PCDHGB7: variants seen among roughly 807,000 people sequenced by gnomAD.
PCDHGB7 encodes protocadherin gamma subfamily B, 7.
A neutral mutation model predicts 61.4 loss-of-function variants in PCDHGB7; 37 were observed. The ratio of observed to expected loss-of-function variants is 0.60; its 90% CI spans 0.46 to 0.79. PCDHGB7 has a LOEUF of 0.79. PCDHGB7 is among the 30% of genes least tolerant of loss of function. The pLI, the probability that PCDHGB7 is intolerant of heterozygous loss-of-function variation, is 0.00. For synonymous variants in PCDHGB7, 464 were observed against 503.5 expected, an observed-to-expected ratio of 0.92 and a Z score of 1.05; for missense variants, 1,166 against 1,202.5, an observed-to-expected ratio of 0.97 and a Z score of 0.45.
intron 1 of PCDHGB7, among the ~76,000 whole-genome samples, chr5:141,492,080 G>A (rs576661909): frequency 6.6e-6 from 1 of 152,352 alleles, no homozygotes; most frequent in African/African-American, 2.4e-5. Context: ...GCCGGCTCCG[G>A]CACGCTTCGC....
At chr5:141,422,201 G>A in intron 1 of PCDHGB7, 1 of 1,562,386 alleles carries the variant, frequency 6.4e-7, no homozygotes, top group Non-Finnish European at 8.6e-7. Context: ...GGCCAAGATG[G>A]TGGAGGTCTC....
In PCDHGB7 at chr5:141,423,756, G is replaced by A. The variant is rs544048105; in HGVS notation, c.2415+3482G>A. 1.6e-5 allele frequency: 7 copies of A among 448,620 alleles called. 1 individual carries two copies. Among genetic ancestry groups the A allele is most frequent in the Non-Finnish European group, 2.1e-5 (7 of 329,706 alleles). 27.8% of individuals were successfully genotyped at this position (448,620 alleles called of 1,614,324 possible). A position where few individuals can be genotyped will look rare whatever the true frequency, so the allele number is the denominator to read the frequency against. ...GCCTGTTATGAAAACTGTTTGGGGG[G>A]GGGGTGGGGCGGCATATATTTAGTT... On this transcript the variant is annotated intron_variant, in intron 1 of 3. Coordinates refer to ENST00000398594, the MANE Select transcript of PCDHGB7 (RefSeq NM_018927.4).
Position 141,470,128 on chromosome 5 carries a change from CA to C in PCDHGB7, c.2416-24670del, listed in dbSNP as rs200356364. Among the ~76,000 whole-genome samples, 62 of 150,148 alleles carry C rather than the reference CA, an allele frequency of 4.1e-4. 1 individual carries two copies. Among genetic ancestry groups the C allele is most frequent in the Middle Eastern group, 3.4e-3 (1 of 294 alleles). On this transcript the variant is annotated intron_variant, in intron 1 of 3. Coordinates refer to ENST00000398594, the MANE Select transcript of PCDHGB7 (RefSeq NM_018927.4). ...TGAGCAACAGAGCAAGACTTCGTCTCAAAAAAAAAGATCATAGATCATCTTA... is the reference window on the plus strand; with the variant it reads ...TGAGCAACAGAGCAAGACTTCGTCTCAAAAAAAAGATCATAGATCATCTTA...
chr5:141,419,610 C>G lies in PCDHGB7; in HGVS notation c.1751C>G (p.Pro584Arg). Residue 584 changes from proline to arginine, a missense_variant, in exon 1 of 4, where the codon CCA becomes CGA. Coordinates refer to ENST00000398594, the MANE Select transcript of PCDHGB7 (RefSeq NM_018927.4). Reference protein sequence around the residue: ...LFDTVPRAAQPGYLVTKVVAV... With the variant: ...LFDTVPRAAQRGYLVTKVVAV... ...GACACAGTGCCGCGGGCCGCGCAGC[C>G]AGGCTACCTGGTGACCAAGGTGGTG... The G allele has an allele frequency of 1.9e-6, 3 of 1,612,130 alleles. No homozygotes were observed. The highest frequency in any genetic ancestry group is 1.8e-4 in the Middle Eastern group (1 of 5,710).
chr5:141,451,163 G>A (rs2098709493), intron 1 of PCDHGB7, among the ~76,000 whole-genome samples: 1 of 152,086 alleles, frequency 6.6e-6, no homozygotes, highest in African/African-American at 2.4e-5. Flanking sequence ...TTTTTTGGTA[G>A]TATATTATTT....
chr5:141,486,379 G>A lies in PCDHGB7; in HGVS notation c.2416-8428G>A. 2 of 1,614,094 alleles carry A rather than the reference G, an allele frequency of 1.2e-6. No individual in the cohort carries two copies. Among genetic ancestry groups the A allele is most frequent in the Non-Finnish European group, 1.7e-6 (2 of 1,180,000 alleles). ...CATTTGCCCTCAAGTCTGCCTTCAG[G>A]AACCAGTTCTCCCTGGTGACTGCTG... On this transcript the variant is annotated intron_variant, in intron 1 of 3. Transcript: ENST00000398594. The surrounding 1 kb of genome is among the most constrained non-coding windows in gnomAD (Gnocchi z 5.0).
chr5:141,426,513 CG>C, intron 1 of PCDHGB7: 1 of 341,148 alleles, frequency 2.9e-6, no homozygotes, highest in Non-Finnish European at 5.8e-6. Flanking sequence ...AATACTTTAC[CG>C]TGAACACGGA....
chr5:141,476,726 C>T lies in PCDHGB7; in HGVS notation c.2416-18081C>T. On this transcript the variant is annotated intron_variant, in intron 1 of 3. Coordinates refer to ENST00000398594, the MANE Select transcript of PCDHGB7 (RefSeq NM_018927.4). This position sits in a 1 kb window ranked among gnomAD's most constrained non-coding sequence, Gnocchi z 7.6. ...GCTGGTGTTGGAGCGCGCCCTGGAC[C>T]GAGAACGGGAGCCTAGTCTCCAGTT... The T allele has an allele frequency of 6.2e-7, 1 of 1,614,116 alleles. No homozygotes were observed. The highest frequency in any genetic ancestry group is 8.5e-7 in the Non-Finnish European group (1 of 1,180,028).
At chr5:141,461,011 A>G (rs971172615) in intron 1 of PCDHGB7, among the ~76,000 whole-genome samples, 2 of 151,288 alleles carry the variant, frequency 1.3e-5, no homozygotes, top group Non-Finnish European at 2.9e-5. Context: ...ATATATATAT[A>G]CCACATTTTC....
At chr5:141,506,351 A>G (rs1029519620) in intron 3 of PCDHGB7, among the ~76,000 whole-genome samples, 2 of 150,784 alleles carry the variant, frequency 1.3e-5, no homozygotes, top group African/African-American at 4.9e-5. Context: ...TGGGAGGCTG[A>G]GGCAGGAGAA....
chr5:141,458,694 C>T (rs905547768), intron 1 of PCDHGB7, among the ~76,000 whole-genome samples: 3 of 152,018 alleles, frequency 2.0e-5, no homozygotes, highest in Non-Finnish European at 2.9e-5. Flanking sequence ...CTCAGCCTCC[C>T]GAGTAGCTGG....
chr5:141,430,889 A>G, intron 1 of PCDHGB7: 1 of 1,605,270 alleles, frequency 6.2e-7, no homozygotes, highest in African/African-American at 1.3e-5. Flanking sequence ...GAAAGGCTCT[A>G]GGGTGGGCGA....
rs1554175372 is a variant in PCDHGB7, at chr5:141,490,827, G to A, written c.2416-3980G>A. ...CCTTTGACTATGAATTGCTGCAGAT[G>A]CTGCAGATTGTGGTGGGGGTTCGAG... On this transcript the variant is annotated intron_variant, in intron 1 of 3. Transcript: ENST00000398594. This position sits in a 1 kb window ranked among gnomAD's most constrained non-coding sequence, Gnocchi z 5.4. 1 of 1,613,744 alleles carries A rather than the reference G, an allele frequency of 6.2e-7. No individual in the cohort carries two copies. Among genetic ancestry groups the A allele is most frequent in the Non-Finnish European group, 8.5e-7 (1 of 1,179,828 alleles).
chr5:141,422,400 G>A (rs1207332302), intron 1 of PCDHGB7: 3 of 1,598,664 alleles, frequency 1.9e-6, no homozygotes, highest in South Asian at 2.3e-5. Context: ...CTAACCACCT[G>A]CCTTTTAAAT....
chr5:141,489,101 T>G lies in PCDHGB7; in HGVS notation c.2416-5706T>G. 1 of 398,408 alleles carries G rather than the reference T, an allele frequency of 2.5e-6. No homozygotes were observed. Among genetic ancestry groups the G allele is most frequent in the Non-Finnish European group, 4.5e-6 (1 of 223,328 alleles). The allele number at this position is 398,408 out of a possible 1,614,324, so 24.7% of individuals were successfully genotyped here. On this transcript the variant is annotated intron_variant, in intron 1 of 3. Transcript: ENST00000398594. The surrounding 1 kb of genome is among the most constrained non-coding windows in gnomAD (Gnocchi z 4.5). Reference sequence around the variant, plus strand: ...CCGCCACTCGGTGACTAAGAACTGCTGCAAGCAGGCAAACCTCCGAGCAGT... The same window carrying G: ...CCGCCACTCGGTGACTAAGAACTGCGGCAAGCAGGCAAACCTCCGAGCAGT...
chr5:141,455,876 TTTA>T (rs1271603055), intron 1 of PCDHGB7, among the ~76,000 whole-genome samples: 2 of 146,624 alleles, frequency 1.4e-5, no homozygotes, highest in Non-Finnish European at 1.5e-5. Context: ...TATTTATTTA[TTTA>T]TTTATTTATT....
At chr5:141,423,975 A>G in intron 1 of PCDHGB7, 2 of 1,126,024 alleles carry the variant, frequency 1.8e-6, no homozygotes, top group Non-Finnish European at 2.2e-6. Flanking sequence ...TTATCAGTGT[A>G]TGAGGCTCTC....
At position 141,432,252 on chromosome 5, in the gene PCDHGB7, G is replaced by A. The variant is rs749107567; in HGVS notation, c.2415+11978G>A. 3.7e-6 allele frequency: 6 copies of A among 1,614,220 alleles called. No homozygotes were observed. The highest frequency in any genetic ancestry group is 5.1e-6 in the Non-Finnish European group (6 of 1,180,042). ...TCCCTGGCTGAGAACACCATCCAAG[G>A]GGCAAGCCTATCGTCCTACGTGTCC... On this transcript the variant is annotated intron_variant, in intron 1 of 3. Coordinates refer to ENST00000398594, the MANE Select transcript of PCDHGB7 (RefSeq NM_018927.4). The surrounding 1 kb of genome is among the most constrained non-coding windows in gnomAD (Gnocchi z 6.0).
chr5:141,491,666 G>A lies in PCDHGB7; in HGVS notation c.2416-3141G>A, dbSNP rs373526771. 9.4e-5 allele frequency: 152 copies of A among 1,613,614 alleles called. No homozygotes were observed. The highest frequency in any genetic ancestry group is 1.2e-4 in the Non-Finnish European group (142 of 1,180,016). The stretch of plus-strand genomic sequence containing the variant: ...CTGGCGCTGGAGCCTGACGCCATCC[G>A]GTCCCGCTCTAATACGCTGCGGGAG... On this transcript the variant is annotated intron_variant, in intron 1 of 3. Coordinates refer to ENST00000398594, the MANE Select transcript of PCDHGB7 (RefSeq NM_018927.4). This position sits in a 1 kb window ranked among gnomAD's most constrained non-coding sequence, Gnocchi z 6.9.
Sources: gnomAD v4.1 joint callset for allele counts (sites outside exome capture counted in the v4.1 genomes callset) on GRCh38, gnomAD v4.1.1 for gene constraint, Gnocchi (gnomAD v3.1) non-coding constraint, MANE v1.5 for transcripts, NCBI Gene and HGNC (gene_info 2026-07-23, HGNC 2026-07-21) for gene names.